Variants in THBS4 observed in about 807,000 individuals in gnomAD.
THBS4 encodes the protein thrombospondin-4.
THBS4 carries 90 observed loss-of-function variants against 115.7 expected under a neutral mutation model. The ratio of observed to expected loss-of-function variants is 0.78; its 90% CI spans 0.66 to 0.93. THBS4 has a LOEUF of 0.93. Among genes scored for constraint, THBS4 ranks in the 40% least tolerant of loss-of-function variants. THBS4 has a pLI of 0.00. For synonymous variants in THBS4, 460 were observed against 479.3 expected (o/e 0.96, Z 0.53); for missense variants, 1,087 against 1,232.7 (o/e 0.88, Z 1.77).
chr5:80,010,559 G>A (rs1373606192), intron 2 of THBS4, among the ~76,000 whole-genome samples: 1 of 152,208 alleles, frequency 6.6e-6, no homozygotes, highest in African/African-American at 2.4e-5. Flanking sequence ...AGGCAGAGAG[G>A]CCAGCAAATA....
At chr5:80,046,729 A>G (rs889650213) in intron 2 of THBS4, among the ~76,000 whole-genome samples, 1 of 152,226 alleles carries the variant, frequency 6.6e-6, no homozygotes, top group Non-Finnish European at 1.5e-5. Flanking sequence ...TATAAAAAAG[A>G]ACGAGCTAGG....
intron 2 of THBS4, among the ~76,000 whole-genome samples, chr5:80,005,268 A>T (rs1184429520): frequency 6.6e-6 from 1 of 152,146 alleles, no homozygotes; most frequent in Non-Finnish European, 1.5e-5. Flanking sequence ...TTACGCTAAT[A>T]TTCTCCAGCT....
chr5:80,082,360 C>T, intron 20 of THBS4, 46 bp from the exon 21 acceptor site: 1 of 1,606,836 alleles, frequency 6.2e-7, no homozygotes, highest in South Asian at 1.1e-5. Flanking sequence ...GGCACTTTAC[C>T]CCGGGTTGGA....
chr5:80,015,130 T>C (rs1161842752), intron 2 of THBS4, among the ~76,000 whole-genome samples: 2 of 152,224 alleles, frequency 1.3e-5, no homozygotes, highest in Admixed American at 6.5e-5. Context: ...CCTTAGAACA[T>C]TTTCCAAATT....
intron 1 of THBS4, among the ~76,000 whole-genome samples, chr5:79,992,832 A>G (rs2151146163): frequency 6.6e-6 from 1 of 152,350 alleles, no homozygotes; most frequent in Non-Finnish European, 1.5e-5. Context: ...CTGTGTGATC[A>G]GTGGAGACTA....
At chr5:80,026,251 T>C (rs1832474096) in intron 2 of THBS4, among the ~76,000 whole-genome samples, 1 of 152,168 alleles carries the variant, frequency 6.6e-6, no homozygotes, top group South Asian at 2.1e-4. Context: ...GAACAACAGA[T>C]TTAATATTTT....
At chr5:80,078,816 A>T in intron 17 of THBS4, 105 bp from the exon 18 acceptor site, 1 of 975,936 alleles carries the variant, frequency 1.0e-6, no homozygotes, top group Non-Finnish European at 1.5e-6. Context: ...TATGGAGGTC[A>T]GACATCACTG....
At chr5:80,014,283 A>G (rs1832204990) in intron 2 of THBS4, among the ~76,000 whole-genome samples, 1 of 152,194 alleles carries the variant, frequency 6.6e-6, no homozygotes, top group African/African-American at 2.4e-5. Flanking sequence ...AATGGATGTA[A>G]CGGTGGCCTC....
chr5:80,026,873 G>A (rs1383077149), intron 2 of THBS4, among the ~76,000 whole-genome samples: 1 of 152,066 alleles, frequency 6.6e-6, no homozygotes, highest in East Asian at 1.9e-4. Flanking sequence ...TTTTCCCTAA[G>A]ACTTTAATTT....
At chr5:80,037,889 A>G (rs1288131492) in intron 1 of THBS4, among the ~76,000 whole-genome samples, 1 of 152,234 alleles carries the variant, frequency 6.6e-6, no homozygotes, top group Non-Finnish European at 1.5e-5. Flanking sequence ...GCAGTAGGCA[A>G]CAGTGTTTAT....
Position 80,059,804 on chromosome 5 carries a change from T to C in THBS4, c.886T>C (p.Phe296Leu). The C allele has an allele frequency of 6.2e-7, 1 of 1,614,176 alleles. No homozygotes were observed. The highest frequency in any genetic ancestry group is 8.5e-7 in the Non-Finnish European group (1 of 1,180,026). ...PPRRCDSNPCFRGVQCTDSRD... is the reference protein window; with the variant it reads ...PPRRCDSNPCLRGVQCTDSRD... ...TCGTCGGTGTGACTCCAACCCATGTTTCCGAGGTGTCCAATGTACCGACAG... is the reference window on the plus strand; with the variant it reads ...TCGTCGGTGTGACTCCAACCCATGTCTCCGAGGTGTCCAATGTACCGACAG... The change falls in exon 7 of 22, where the codon TTC becomes CTC. Residue 296 changes from phenylalanine (F) to leucine (L), a missense_variant. By Grantham distance (22) the Phe-to-Leu change is conservative. This residue lies in a region of THBS4 where 979 missense variants were observed against 1,103.7 expected (regional missense o/e 0.89). Coordinates refer to ENST00000350881, the MANE Select transcript of THBS4 (RefSeq NM_003248.6).
chr5:80,070,376 A>G lies in THBS4; in HGVS notation c.1418A>G (p.Glu473Gly). ...KDVDIDSYPDEELPCSARNCK... is the reference protein window; with the variant it reads ...KDVDIDSYPDGELPCSARNCK... Reference sequence around the variant, plus strand: ...GTGGACATCGACAGTTACCCCGACGAAGAACTGCCATGCTCTGCCAGGAAC... The same window carrying G: ...GTGGACATCGACAGTTACCCCGACGGAGAACTGCCATGCTCTGCCAGGAAC... Residue 473 changes from glutamate (E) to glycine (G), a missense_variant, in exon 11 of 22, where the codon GAA (glutamate) becomes GGA (glycine). Glu to Gly is a moderately conservative substitution (Grantham distance 98). This residue lies in a region of THBS4 where 979 missense variants were observed against 1,103.7 expected (regional missense o/e 0.89). Transcript: ENST00000350881. The G allele has an allele frequency of 4.3e-6, 7 of 1,613,854 alleles. No individual in the cohort carries two copies. Among genetic ancestry groups the G allele is most frequent in the Non-Finnish European group, 5.9e-6 (7 of 1,179,858 alleles).
upstream of THBS4, among the ~76,000 whole-genome samples, chr5:80,032,780 G>A (rs150086839): frequency 4.2e-3 from 642 of 152,270 alleles, 3 homozygotes; most frequent in African/African-American, 0.015. Context: ...TGATTAGATG[G>A]TGCCTACCCA....
At chr5:80,080,577 A>ATTTTTTTTTTTTTTTTTTT (rs1743442985) in intron 20 of THBS4, among the ~76,000 whole-genome samples, 1 of 66,824 alleles carries the variant, frequency 1.5e-5, no homozygotes, top group African/African-American at 5.5e-5. Context: ...CAGCGCTTGT[A>ATTTTTTTTTTTTTTTTTTT]TCTTTTTTTT....
At chr5:80,059,651 CT>C in intron 6 of THBS4, 51 bp from the exon 7 acceptor site, 2 of 1,605,786 alleles carry the variant, frequency 1.2e-6, no homozygotes, top group South Asian at 1.1e-5. Context: ...GTTTTGCCTT[CT>C]GTATATCTTC....
chr5:80,029,350 T>G (rs1040917666), intron 2 of THBS4, among the ~76,000 whole-genome samples: 4 of 152,204 alleles, frequency 2.6e-5, no homozygotes, highest in Non-Finnish European at 4.4e-5. Context: ...ATAAATGTGT[T>G]GTTTAATGAA....
At chr5:80,024,046 C>T (rs1465798477) in intron 2 of THBS4, among the ~76,000 whole-genome samples, 1 of 152,098 alleles carries the variant, frequency 6.6e-6, no homozygotes, top group East Asian at 1.9e-4. Context: ...CAAACCATCT[C>T]CAAACCATAG....
intron 2 of THBS4, among the ~76,000 whole-genome samples, chr5:80,013,937 A>G (rs1424084622): frequency 6.6e-6 from 1 of 152,218 alleles, no homozygotes; most frequent in Non-Finnish European, 1.5e-5. Flanking sequence ...AGGTAAGAAG[A>G]AAGTCAACTT....
At chr5:80,068,220 C>A in intron 10 of THBS4, 95 bp downstream of exon 10, 3 of 1,447,740 alleles carry the variant, frequency 2.1e-6, no homozygotes, top group Non-Finnish European at 2.8e-6. Flanking sequence ...AAAAGTACTC[C>A]AAAATGAAAG....
Sources: gnomAD v4.1 joint callset for allele counts (sites outside exome capture counted in the v4.1 genomes callset) on GRCh38, gnomAD v4.1.1 for gene constraint, gnomAD v4.1.1 regional missense constraint, MANE v1.5 for transcripts, NCBI Gene and HGNC (gene_info 2026-07-23, HGNC 2026-07-21) for gene names.